LAMA2: variants seen among roughly 807,000 people sequenced by gnomAD.
LAMA2 encodes the protein laminin subunit alpha-2.
Under a neutral mutation model 364.8 loss-of-function variants are expected in LAMA2, and 269 were observed. That is an observed-to-expected ratio of 0.74 (90% CI 0.67 to 0.82). The LOEUF is 0.82. Ranked by LOEUF, LAMA2 falls within the 40% of genes least tolerant of loss-of-function variation. The probability of loss-of-function intolerance (pLI) is 0.00; values close to 1 mark genes in which losing one functional copy is unlikely to be tolerated. For missense variants in LAMA2, 3,807 were observed against 3,873.2 expected, an observed-to-expected ratio of 0.98 and a Z score of 0.45; for synonymous variants, 1,379 against 1,370.6, an observed-to-expected ratio of 1.01 and a Z score of -0.14.
chr6:128,902,131 G>A (rs1777125614), intron 1 of LAMA2, among the ~76,000 whole-genome samples: 1 of 152,184 alleles, frequency 6.6e-6, no homozygotes, highest in Non-Finnish European at 1.5e-5. Flanking sequence ...TCACTATCCT[G>A]AGAACAGCAT....
chr6:129,457,688 G>T (rs1267101337), intron 48 of LAMA2, among the ~76,000 whole-genome samples: 1 of 152,046 alleles, frequency 6.6e-6, no homozygotes, highest in Non-Finnish European at 1.5e-5. Context: ...CAAAAAGTAT[G>T]TCTTAGTCCA....
chr6:129,299,996 G>T (rs1163348673), intron 21 of LAMA2, among the ~76,000 whole-genome samples: 1 of 152,154 alleles, frequency 6.6e-6, no homozygotes, highest in Admixed American at 6.5e-5. Context: ...TGGGTCAACT[G>T]CCGCTATGTG....
intron 4 of LAMA2, among the ~76,000 whole-genome samples, chr6:129,139,183 G>C (rs867670386): frequency 1.3e-5 from 2 of 152,100 alleles, no homozygotes; most frequent in Admixed American, 6.5e-5. Context: ...TCCAGAGCCA[G>C]ACTCAGAGCC....
chr6:129,346,873 A>G (rs188997996), intron 30 of LAMA2, among the ~76,000 whole-genome samples: 72 of 152,320 alleles, frequency 4.7e-4, no homozygotes, highest in Non-Finnish European at 9.4e-4. Context: ...GAGGTGGTCC[A>G]TGATCTTCAC....
chr6:129,315,990 T>G, intron 26 of LAMA2, 40 bp downstream of exon 26: 1 of 1,613,958 alleles, frequency 6.2e-7, no homozygotes, highest in Non-Finnish European at 8.5e-7. Context: ...TACCAATCAA[T>G]GGTTTTGCAT....
chr6:129,295,046 T>G (rs1010832531), intron 20 of LAMA2, among the ~76,000 whole-genome samples: 6 of 152,230 alleles, frequency 3.9e-5, no homozygotes, highest in Non-Finnish European at 7.3e-5. Context: ...CCGAGACTAT[T>G]TTTTCCTCTG....
intron 4 of LAMA2, among the ~76,000 whole-genome samples, chr6:129,142,152 A>G (rs374643808): frequency 4.6e-5 from 7 of 151,962 alleles, no homozygotes; most frequent in Admixed American, 1.3e-4. Context: ...CTTTGATGTG[A>G]CCAAAAAAGA....
intron 8 of LAMA2, 141 bp downstream of exon 8, chr6:129,154,824 G>T (rs897317353): frequency 6.3e-5 from 45 of 717,102 alleles, no homozygotes; most frequent in Admixed American, 3.7e-4. Context: ...ACATTTCGTA[G>T]TTGAAACTGA....
chr6:129,046,288 A>T (rs1787489393), intron 1 of LAMA2, among the ~76,000 whole-genome samples: 1 of 152,226 alleles, frequency 6.6e-6, no homozygotes, highest in South Asian at 2.1e-4. Context: ...TGCTACTAAT[A>T]AAGACATACC....
chr6:129,471,190 T>G (rs1004671177), intron 51 of LAMA2, among the ~76,000 whole-genome samples: 2 of 151,886 alleles, frequency 1.3e-5, no homozygotes, highest in African/African-American at 4.8e-5. Context: ...CCTACTTTTC[T>G]ATTTTGTAAA....
At chr6:128,890,166 G>C (rs1258266121) in intron 1 of LAMA2, among the ~76,000 whole-genome samples, 2 of 152,080 alleles carry the variant, frequency 1.3e-5, no homozygotes, top group Non-Finnish European at 2.9e-5. Context: ...AGTGCCAGAT[G>C]GTTTAGATTG....
Position 129,098,398 on chromosome 6 carries a change from C to G in LAMA2, c.622C>G (p.Pro208Ala), listed in dbSNP as rs1379732289. ...ICTSFYSKIHPLENGEIHISL... is the reference protein window; with the variant it reads ...ICTSFYSKIHALENGEIHISL... ...CACTTCATTTTACTCCAAGATACAC[C>G]CCTTAGAAAATGGAGAGGTAAGATG... The change falls in exon 4 of 65, where the codon CCC becomes GCC. Residue 208 changes from proline to alanine, a missense_variant. Around this residue, in one of 3 missense-constraint regions of LAMA2, gnomAD observed 394 missense variants for 403.5 expected, o/e 0.98. Coordinates refer to ENST00000421865, the MANE Select transcript of LAMA2 (RefSeq NM_000426.4). The G allele has an allele frequency of 6.2e-7, 1 of 1,613,790 alleles. No individual in the cohort carries two copies. The highest frequency in any genetic ancestry group is 8.5e-7 in the Non-Finnish European group (1 of 1,179,936).
intron 12 of LAMA2, among the ~76,000 whole-genome samples, chr6:129,208,649 G>A (rs1782863015): frequency 6.9e-6 from 1 of 144,608 alleles, no homozygotes; most frequent in African/African-American, 2.6e-5. Context: ...AAAGAAGGAA[G>A]GAAGAGAGGG....
chr6:129,221,260 C>T lies in LAMA2; in HGVS notation c.1782+28407C>T, dbSNP rs555069490. Among the ~76,000 whole-genome samples, 7 of 146,268 alleles carry T rather than the reference C, an allele frequency of 4.8e-5. No individual in the cohort carries two copies. The East Asian group carries it at 1.4e-3, about 29-fold the overall frequency. On this transcript the variant is annotated intron_variant, in intron 12 of 64. Transcript: ENST00000421865. The stretch of plus-strand genomic sequence containing the variant: ...TTTTTAATTATTAAGCCAAGATTTC[C>T]AAAAATAAGAAAAGCATAATTGATT...
chr6:129,427,840 C>T lies in LAMA2; in HGVS notation c.5954C>T (p.Ala1985Val). The T allele has an allele frequency of 6.2e-7, 1 of 1,610,844 alleles. No homozygotes were observed. The highest frequency in any genetic ancestry group is 8.5e-7 in the Non-Finnish European group (1 of 1,177,192). The change falls in exon 41 of 65, where the codon GCA (alanine) becomes GTA (valine). Residue 1985 changes from alanine (A) to valine (V), a missense_variant. Physicochemically the swap from Ala to Val is moderately conservative, Grantham distance 64 (BLOSUM62 0). Transcript: ENST00000421865. Reference sequence around the variant, plus strand: ...ATTCTTAACGAAGCCAAGAAGTTAGCAAATGATGTAAAAGGTCAGTGTGGC... The same window carrying T: ...ATTCTTAACGAAGCCAAGAAGTTAGTAAATGATGTAAAAGGTCAGTGTGGC... ...FRILNEAKKL[A>V]NDVKENEDHL...
At chr6:129,099,301 G>C (rs1306130531) in intron 4 of LAMA2, among the ~76,000 whole-genome samples, 2 of 151,716 alleles carry the variant, frequency 1.3e-5, no homozygotes, top group Non-Finnish European at 2.9e-5. Flanking sequence ...ATGCTGAAAT[G>C]CACACTAAGT....
intron 55 of LAMA2, 65 bp from the exon 56 acceptor site, chr6:129,486,409 A>T (rs1784584714): frequency 6.6e-7 from 1 of 1,509,674 alleles, no homozygotes; most frequent in Non-Finnish European, 9.2e-7. Flanking sequence ...TCTGCCAGGG[A>T]ATCTCTAAAG....
intron 1 of LAMA2, among the ~76,000 whole-genome samples, chr6:129,024,742 A>G (rs992673187): frequency 6.6e-6 from 1 of 152,058 alleles, no homozygotes; most frequent in Non-Finnish European, 1.5e-5. Flanking sequence ...GTATATCCAA[A>G]TAGCTACCCA....
intron 8 of LAMA2, among the ~76,000 whole-genome samples, chr6:129,156,668 T>C (rs555891324): frequency 8.5e-5 from 13 of 152,300 alleles, no homozygotes; most frequent in African/African-American, 3.1e-4. Context: ...TTCATGGCAA[T>C]AGAAGCTCCA....
Sources: gnomAD v4.1 joint callset for allele counts (sites outside exome capture counted in the v4.1 genomes callset) on GRCh38, gnomAD v4.1.1 for gene constraint, gnomAD v4.1.1 regional missense constraint, MANE v1.5 for transcripts, NCBI Gene and HGNC (gene_info 2026-07-23, HGNC 2026-07-21) for gene names.